Variants in PCYT1A observed in about 807,000 individuals in gnomAD.
PCYT1A encodes phosphate cytidylyltransferase 1A, choline, also known as choline-phosphate cytidylyltransferase A.
Under a neutral mutation model 43.7 loss-of-function variants are expected in PCYT1A, and 25 were observed. The ratio of observed to expected loss-of-function variants is 0.57; its 90% CI spans 0.42 to 0.80. PCYT1A has a LOEUF of 0.80. Among genes scored for constraint, PCYT1A ranks in the 30% least tolerant of loss-of-function variants. The pLI is 0.00. For synonymous variants in PCYT1A, 172 were observed against 170.7 expected (o/e 1.01, Z -0.06); for missense variants, 421 against 474.2 (o/e 0.89, Z 1.04).
In PCYT1A at chr3:196,238,885, G is replaced by A; in HGVS notation, c.907C>T (p.Leu303=). Residue 303 remains leucine (L), a synonymous_variant, in exon 9 of 9, where the codon CTG becomes TTG. Coordinates refer to ENST00000431016, the MANE Select transcript of PCYT1A (RefSeq NM_001312673.2). ...AGCATCCGGCCCTTCCCCTCTTTCA[G>A]CATATGTTTCTGCAGAAACCGAAAG... is the stretch of plus-strand genomic sequence containing the variant. The part of the protein sequence containing the change: ...FGPEGALKHM[L]KEGKGRMLQA... 1 of 1,435,778 alleles carries A rather than the reference G, an allele frequency of 7.0e-7. No individual in the cohort carries two copies. The highest frequency in any genetic ancestry group is 1.5e-5 in the South Asian group (1 of 64,524). The allele number at this position is 1,435,778 out of a possible 1,614,324, so 88.9% of individuals were successfully genotyped here.
At position 196,238,444 on chromosome 3, in the gene PCYT1A, TG is replaced by T. The variant is rs111517721; in HGVS notation, c.*243del. ...AACATAAACAGTGAAACAAAGCCCT[TG>T]GGGGGGGGTAAATGGATGCAGAGCA... On this transcript the variant is annotated 3_prime_UTR_variant, in exon 9 of 9. Transcript: ENST00000431016. 2,158 of 326,866 alleles carry T rather than the reference TG, an allele frequency of 6.6e-3. 26 individuals carry two copies. The highest frequency in any genetic ancestry group is 0.031 in the African/African-American group (1,455 of 46,530). 20.2% of individuals were successfully genotyped at this position (326,866 alleles called of 1,614,324 possible).
At chr3:196,243,349 A>G (rs1724422041) in intron 5 of PCYT1A, among the ~76,000 whole-genome samples, 1 of 152,042 alleles carries the variant, frequency 6.6e-6, no homozygotes. Flanking sequence ...AAGTATGAGA[A>G]AGAGGTTACT....
chr3:196,249,333 T>G (rs1332732528), intron 3 of PCYT1A, among the ~76,000 whole-genome samples: 16 of 143,260 alleles, frequency 1.1e-4, no homozygotes, highest in Admixed American at 6.3e-4. Context: ...TTTTTTTTTG[T>G]AGAGACCATG....
intron 2 of PCYT1A, among the ~76,000 whole-genome samples, chr3:196,266,349 TG>T (rs1171218719): frequency 2.6e-5 from 4 of 151,222 alleles, no homozygotes; most frequent in Non-Finnish European, 1.5e-5. Context: ...GGCGGGCGCC[TG>T]TAGTCCCAGC....
Position 196,252,102 on chromosome 3 carries a change from A to ACTACAGCGCACCCCGCCACGCCCCGCT in PCYT1A, c.218-3780_218-3779insAGCGGGGCGTGGCGGGGTGCGCTGTAG, listed in dbSNP as rs1724816935. 2.7e-5 allele frequency among the ~76,000 whole-genome samples: 4 copies of ACTACAGCGCACCCCGCCACGCCCCGCT among 146,402 alleles called. No homozygotes were observed. The highest frequency in any genetic ancestry group is 2.1e-4 in the South Asian group (1 of 4,680). On this transcript the variant is annotated intron_variant, in intron 3 of 8. Transcript: ENST00000431016. This position sits in a 1 kb window ranked among gnomAD's most constrained non-coding sequence, Gnocchi z 4.0. ...TACAGCGCACCCCGCCACGCCCCGC[A>ACTACAGCGCACCCCGCCACGCCCCGCT]GACTACAGCGCACCCCGCCACGCCC...
chr3:196,258,625 T>C (rs995084015), intron 2 of PCYT1A, among the ~76,000 whole-genome samples: 2 of 151,854 alleles, frequency 1.3e-5, no homozygotes, highest in African/African-American at 2.4e-5. Context: ...TCCAGCTCTG[T>C]TGCCCAGGCT....
Position 196,273,959 on chromosome 3 carries a change from C to T in PCYT1A, c.-10-3418G>A, listed in dbSNP as rs117962514. Among the ~76,000 whole-genome samples, 660 of 152,358 alleles carry T rather than the reference C, an allele frequency of 4.3e-3. 16 individuals carry two copies. The South Asian group carries it at 0.07, about 16-fold the overall frequency. On this transcript the variant is annotated intron_variant, in intron 1 of 8. Transcript: ENST00000431016. The surrounding 1 kb of genome is among the most constrained non-coding windows in gnomAD (Gnocchi z 4.1). ...CGCCCAGGCTATTCACGAAGGGGCGCCTGCAGGCCTGAATGGAGCTGCTCT... is the reference window on the plus strand; with the variant it reads ...CGCCCAGGCTATTCACGAAGGGGCGTCTGCAGGCCTGAATGGAGCTGCTCT...
intron 7 of PCYT1A, chr3:196,241,595 C>T (rs1369295291): frequency 6.9e-6 from 9 of 1,309,502 alleles, no homozygotes; most frequent in Admixed American, 6.8e-5. Flanking sequence ...ACTATCCACA[C>T]GAGGAGGGCT....
At chr3:196,261,135 G>A (rs1725096071) in intron 2 of PCYT1A, among the ~76,000 whole-genome samples, 1 of 152,194 alleles carries the variant, frequency 6.6e-6, no homozygotes, top group South Asian at 2.1e-4. Context: ...ACTAGGCAAA[G>A]CTGTAGAGAC....
At chr3:196,281,979 T>G (rs1000400176) in intron 1 of PCYT1A, among the ~76,000 whole-genome samples, 3 of 152,166 alleles carry the variant, frequency 2.0e-5, no homozygotes, top group African/African-American at 7.2e-5. Context: ...GTATGAACTA[T>G]CACACCAGGC....
rs986176982 is a variant in PCYT1A at position 196,277,334 on chromosome 3, T to C, written c.-10-6793A>G. Among the ~76,000 whole-genome samples the C allele has an allele frequency of 2.0e-5, 3 of 152,210 alleles. No homozygotes were observed. Among genetic ancestry groups the C allele is most frequent in the Non-Finnish European group, 2.9e-5 (2 of 68,032 alleles). Reference sequence around the variant, plus strand: ...TTCTTCTATTTTCTAAAGATGACTTTTGGGTTTTACATTATATTCTACACT... The same window carrying C: ...TTCTTCTATTTTCTAAAGATGACTTCTGGGTTTTACATTATATTCTACACT... On this transcript the variant is annotated intron_variant, in intron 1 of 8. Transcript: ENST00000431016. The surrounding 1 kb of genome is among the most constrained non-coding windows in gnomAD (Gnocchi z 4.1).
At chr3:196,278,483 C>T (rs1725656985) in intron 1 of PCYT1A, among the ~76,000 whole-genome samples, 2 of 152,120 alleles carry the variant, frequency 1.3e-5, no homozygotes, top group South Asian at 2.1e-4. Context: ...GGGAAATGAT[C>T]GCGCCTCCTC....
intron 3 of PCYT1A, among the ~76,000 whole-genome samples, chr3:196,255,346 T>C (rs1724922316): frequency 6.6e-6 from 1 of 152,228 alleles, no homozygotes; most frequent in South Asian, 2.1e-4. Context: ...GCAATTCTAT[T>C]CCACTAATCA....
chr3:196,282,170 G>A lies in PCYT1A; in HGVS notation c.-11+5445C>T, dbSNP rs1165310167. On this transcript the variant is annotated intron_variant, in intron 1 of 8. Coordinates refer to ENST00000431016, the MANE Select transcript of PCYT1A (RefSeq NM_001312673.2). The surrounding 1 kb of genome is among the most constrained non-coding windows in gnomAD (Gnocchi z 4.3). ...GAGAAACCCTTATTCAACAAACACT[G>A]AGCGGCACTTACTCTGTGCCAGACC... Among the ~76,000 whole-genome samples, 2 of 152,264 alleles carry A rather than the reference G, an allele frequency of 1.3e-5. No homozygotes were observed. Among genetic ancestry groups the A allele is most frequent in the East Asian group, 3.9e-4 (2 of 5,192 alleles).
At position 196,237,943 on chromosome 3, in the gene PCYT1A, G is replaced by C. The variant is rs1724217926; in HGVS notation, c.*745C>G. On this transcript the variant is annotated 3_prime_UTR_variant, in exon 9 of 9. Coordinates refer to ENST00000431016, the MANE Select transcript of PCYT1A (RefSeq NM_001312673.2). ...AAAGCTCCCAAAGAACTGGGTCACA[G>C]AGTTTTCTGAGAAGATGAACACAGC... The C allele has an allele frequency of 6.6e-6, 1 of 152,248 alleles. No homozygotes were observed. The highest frequency in any genetic ancestry group is 1.5e-5 in the Non-Finnish European group (1 of 68,052). 9.4% of individuals were successfully genotyped at this position (152,248 alleles called of 1,614,324 possible). A position where few individuals can be genotyped will look rare whatever the true frequency, so the allele number is the denominator to read the frequency against.
intron 2 of PCYT1A, among the ~76,000 whole-genome samples, 169 bp downstream of exon 2, chr3:196,270,246 T>C (rs1256731615): frequency 6.6e-6 from 1 of 152,246 alleles, no homozygotes; most frequent in Non-Finnish European, 1.5e-5. Context: ...GTAAAGCTTC[T>C]ACAACTGAGC....
At chr3:196,262,952 G>A (rs974451553) in intron 2 of PCYT1A, among the ~76,000 whole-genome samples, 9 of 151,782 alleles carry the variant, frequency 5.9e-5, no homozygotes, top group Non-Finnish European at 1.3e-4. Flanking sequence ...CCACCACTGC[G>A]CCTGCTTAAT....
chr3:196,241,736 T>C, intron 7 of PCYT1A: 6 of 1,324,178 alleles, frequency 4.5e-6, no homozygotes, highest in Non-Finnish European at 6.2e-6. Flanking sequence ...GTTGGCTGTA[T>C]GGCTTTATAC....
chr3:196,270,585 G>GA (rs59713005), intron 1 of PCYT1A, 44 bp from the exon 2 acceptor site: 1 of 1,265,590 alleles, frequency 7.9e-7, no homozygotes, highest in South Asian at 1.2e-5. Context: ...ATTGGGGTGG[G>GA]AAAAAGTTTG....
Sources: gnomAD v4.1 joint callset for allele counts (sites outside exome capture counted in the v4.1 genomes callset) on GRCh38, gnomAD v4.1.1 for gene constraint, Gnocchi (gnomAD v3.1) non-coding constraint, MANE v1.5 for transcripts, NCBI Gene and HGNC (gene_info 2026-07-23, HGNC 2026-07-21) for gene names.